The following BRF1 variants were observed in gnomAD, a reference collection of about 807,000 sequenced individuals.
BRF1 encodes transcription factor IIIB 90 kDa subunit.
Under a neutral mutation model 81.7 loss-of-function variants are expected in BRF1, and 59 were observed. The ratio of observed to expected loss-of-function variants is 0.72; its 90% CI spans 0.59 to 0.90. BRF1 has a LOEUF of 0.90. BRF1 is among the 40% of genes least tolerant of loss of function. The probability of loss-of-function intolerance (pLI) is 0.00; values close to 1 mark genes in which losing one functional copy is unlikely to be tolerated. For synonymous variants in BRF1, 491 were observed against 395.6 expected, an observed-to-expected ratio of 1.24 and a Z score of -2.86; for missense variants, 1,050 against 936.3, an observed-to-expected ratio of 1.12 and a Z score of -1.58.
At chr14:105,225,522 T>C (rs1293509929) in intron 10 of BRF1, among the ~76,000 whole-genome samples, 1 of 152,194 alleles carries the variant, frequency 6.6e-6, no homozygotes, top group Non-Finnish European at 1.5e-5. Flanking sequence ...AATTCCAACC[T>C]GACTCTAGTA....
chr14:105,226,366 G>A (rs1481304993), intron 8 of BRF1, 76 bp from the exon 9 acceptor site: 12 of 1,580,576 alleles, frequency 7.6e-6, no homozygotes, highest in Non-Finnish European at 9.6e-6. Flanking sequence ...TGCCGCGTGG[G>A]CCCCAGGGAC....
intron 5 of BRF1, chr14:105,250,767 T>A (rs587680204): frequency 1.6e-6 from 2 of 1,277,234 alleles, no homozygotes; most frequent in South Asian, 2.9e-5. Flanking sequence ...GCTCTTAACT[T>A]TGTCTCTCTT....
chr14:105,215,979 C>T (rs1253896196), intron 15 of BRF1, among the ~76,000 whole-genome samples: 1 of 113,128 alleles, frequency 8.8e-6, no homozygotes. Flanking sequence ...ACACACACTG[C>T]ATACACAGGC....
intron 1 of BRF1, among the ~76,000 whole-genome samples, chr14:105,312,847 C>T (rs2058381873): frequency 6.6e-6 from 1 of 152,218 alleles, no homozygotes. Flanking sequence ...GTTTCGTGTC[C>T]CTGCTTTCCT....
chr14:105,248,588 G>A (rs1483167286), intron 5 of BRF1: 2 of 601,760 alleles, frequency 3.3e-6, no homozygotes, highest in Non-Finnish European at 4.1e-6. Context: ...CGGGCGGGCG[G>A]GACGGCGCCC....
chr14:105,241,227 C>G (rs1411237581), intron 6 of BRF1, 38 bp downstream of exon 6: 2 of 1,603,714 alleles, frequency 1.2e-6, no homozygotes, highest in Non-Finnish European at 1.7e-6. Context: ...GGCCAGGACC[C>G]AGACCAGCAT....
intron 3 of BRF1, among the ~76,000 whole-genome samples, chr14:105,265,900 CAAAA>C (rs34375627): frequency 5.3e-5 from 4 of 75,662 alleles, no homozygotes; most frequent in African/African-American, 2.2e-4. Context: ...GACTCCCTCT[CAAAA>C]AAAAAAAAAA....
chr14:105,249,220 G>T, intron 5 of BRF1: 1 of 1,587,900 alleles, frequency 6.3e-7, no homozygotes. Context: ...GGCCCCCGGG[G>T]GCGACCAGGA....
intron 8 of BRF1, 103 bp downstream of exon 8, chr14:105,226,531 G>C: frequency 6.4e-7 from 1 of 1,569,942 alleles, no homozygotes; most frequent in Non-Finnish European, 8.6e-7. Context: ...GCGGCTATGA[G>C]GCTTTGGGAT....
intron 5 of BRF1, chr14:105,249,447 G>A (rs759732279): frequency 6.2e-7 from 1 of 1,613,600 alleles, no homozygotes; most frequent in Non-Finnish European, 8.5e-7. Flanking sequence ...CATTCCAGAC[G>A]TGGAGCCCGC....
intron 5 of BRF1, chr14:105,249,505 G>T: frequency 6.2e-7 from 1 of 1,605,098 alleles, no homozygotes; most frequent in South Asian, 1.1e-5. Flanking sequence ...GGGGAGGGAC[G>T]GGTGGGTCCG....
chr14:105,217,004 G>A (rs970079645), intron 15 of BRF1, among the ~76,000 whole-genome samples: 4 of 152,224 alleles, frequency 2.6e-5, no homozygotes, highest in South Asian at 2.1e-4. Flanking sequence ...GCTGTGCACA[G>A]AGGCCGACCC....
rs61745396 is a variant in BRF1, at chr14:105,221,889, G to C, written c.1074C>G (p.Ser358Arg). The C allele has an allele frequency of 4.1e-5, 65 of 1,598,284 alleles. No individual in the cohort carries two copies. In the African/African-American group the frequency reaches 8.0e-4, roughly 20 times the overall value. Reference sequence around the variant, plus strand: ...CCTCTGTGTCCTCCTCGCCACACAAGCTGGACGCGGTGTCCTCGGTGGAGC... The same window carrying C: ...CCTCTGTGTCCTCCTCGCCACACAACCTGGACGCGGTGTCCTCGGTGGAGC... ...KDGSTEDTAS[S>R]LCGEEDTEDE... The change falls in exon 11 of 18, where the codon AGC becomes AGG. Residue 358 changes from serine to arginine, a missense_variant. Physicochemically the swap from Ser to Arg is moderately radical, Grantham distance 110. Transcript: ENST00000547530.
chr14:105,253,067 C>A (rs1024676979), intron 4 of BRF1, among the ~76,000 whole-genome samples: 1 of 152,254 alleles, frequency 6.6e-6, no homozygotes, highest in Non-Finnish European at 1.5e-5. Context: ...AGGTCCAAAT[C>A]CACACAGATC....
At chr14:105,212,403 G>A (rs1190874202) in intron 15 of BRF1, 2 of 513,776 alleles carry the variant, frequency 3.9e-6, no homozygotes, top group African/African-American at 1.9e-5. Flanking sequence ...CACAGAAGCT[G>A]CAGACGCCCC....
intron 3 of BRF1, 61 bp downstream of exon 3, chr14:105,272,660 G>A (rs2056707383): frequency 8.6e-6 from 13 of 1,512,282 alleles, no homozygotes; most frequent in African/African-American, 2.8e-5. Flanking sequence ...CCCAATATTC[G>A]AGGGGAGCCA....
Position 105,278,216 on chromosome 14 carries a change from G to T in BRF1, c.266-5322C>A, listed in dbSNP as rs181818839. 1.1e-3 allele frequency among the ~76,000 whole-genome samples: 171 copies of T among 152,268 alleles called. 1 individual carries two copies. Among genetic ancestry groups the T allele is most frequent in the Non-Finnish European group, 1.8e-3 (123 of 68,026 alleles). Reference sequence around the variant, plus strand: ...TGTAGTAATCCCAGCACTTCGGGAGGCTGAAGCAGGTAGATCACTTGAGCC... The same window carrying T: ...TGTAGTAATCCCAGCACTTCGGGAGTCTGAAGCAGGTAGATCACTTGAGCC... On this transcript the variant is annotated intron_variant, in intron 2 of 17. Transcript: ENST00000547530.
At chr14:105,248,486 G>A (rs2055285438) in intron 5 of BRF1, 2 of 984,240 alleles carry the variant, frequency 2.0e-6, no homozygotes, top group Non-Finnish European at 2.4e-6. Context: ...GTCGGGCCTG[G>A]GGGCGGGGCC....
intron 15 of BRF1, among the ~76,000 whole-genome samples, chr14:105,215,569 A>C (rs1329098856): frequency 2.7e-5 from 4 of 149,320 alleles, no homozygotes; most frequent in African/African-American, 7.4e-5. Context: ...GCACACATAC[A>C]CTGCAGGCAC....
Sources: gnomAD v4.1 joint callset for allele counts (sites outside exome capture counted in the v4.1 genomes callset) on GRCh38, gnomAD v4.1.1 for gene constraint, MANE v1.5 for transcripts, NCBI Gene and HGNC (gene_info 2026-07-23, HGNC 2026-07-21) for gene names.